CNGB1: variants seen among roughly 807,000 people sequenced by gnomAD.
CNGB1 encodes cyclic nucleotide gated channel subunit beta 1.
A neutral mutation model predicts 151.7 loss-of-function variants in CNGB1; 126 were observed. The observed-to-expected ratio is 0.83, with a 90% CI of 0.72 to 0.96. The LOEUF (loss-of-function observed/expected upper bound fraction) is 0.96. CNGB1 is among the 40% of genes least tolerant of loss of function. The pLI is 0.00. For synonymous variants in CNGB1, 623 were observed against 635.1 expected (o/e 0.98, Z 0.29); for missense variants, 1,698 against 1,627.0 (o/e 1.04, Z -0.75).
chr16:57,901,473 A>C lies in CNGB1; in HGVS notation c.2893-38T>G, dbSNP rs542631260. ...GGAAGGGAAAGGAACTTTTTAGAGA[A>C]GATTGGGCTTGGAGCCTCCCACAGC... On this transcript the variant is annotated intron_variant, in intron 28 of 32. Coordinates refer to ENST00000251102, the MANE Select transcript of CNGB1 (RefSeq NM_001297.5). 3 of 1,613,860 alleles carry C rather than the reference A, an allele frequency of 1.9e-6. No individual in the cohort carries two copies. The African/African-American group carries it at 4.0e-5, about 22-fold the overall frequency.
chr16:57,964,667 G>T, intron 2 of CNGB1, 123 bp from the exon 3 acceptor site: 2 of 952,692 alleles, frequency 2.1e-6, no homozygotes, highest in Non-Finnish European at 3.3e-6. Flanking sequence ...TCTTTCCTCA[G>T]GATCATCTCT....
chr16:57,939,564 G>C lies in CNGB1; in HGVS notation c.1238C>G (p.Ala413Gly). Residue 413 changes from alanine to glycine, a missense_variant, in exon 16 of 33, where the codon GCC (alanine) becomes GGC (glycine). Ala to Gly is a moderately conservative substitution (Grantham distance 60). Transcript: ENST00000251102. ...QKLWEEVGEE[A>G]KKEAEEKAKE... Reference sequence around the variant, plus strand: ...GGCCTTCTCTTCAGCCTCCTTCTTGGCCTCCTCCCCAACTTCCTCCCACAG... The same window carrying C: ...GGCCTTCTCTTCAGCCTCCTTCTTGCCCTCCTCCCCAACTTCCTCCCACAG... The C allele has an allele frequency of 6.2e-7, 1 of 1,614,046 alleles. No homozygotes were observed. The highest frequency in any genetic ancestry group is 1.1e-5 in the South Asian group (1 of 91,074).
In CNGB1 at chr16:57,896,778, A is replaced by G. The variant is rs182501831; in HGVS notation, c.3242+619T>C. On this transcript the variant is annotated intron_variant, in intron 31 of 32. Coordinates refer to ENST00000251102, the MANE Select transcript of CNGB1 (RefSeq NM_001297.5). ...TAAATAAATAAAATAACTGGCCTAT[A>G]TGCTTAAAAGAAGTCCAAGTCACTA... Among the ~76,000 whole-genome samples the G allele has an allele frequency of 1.6e-3, 242 of 151,744 alleles. 1 individual carries two copies. Among genetic ancestry groups the G allele is most frequent in the African/African-American group, 5.4e-3 (223 of 41,432 alleles).
At chr16:57,919,570 T>C (rs1353876359) in intron 19 of CNGB1, among the ~76,000 whole-genome samples, 1 of 152,168 alleles carries the variant, frequency 6.6e-6, no homozygotes, top group Non-Finnish European at 1.5e-5. Flanking sequence ...TGCTTGTGTG[T>C]TGTGCTTAGA....
At chr16:57,925,456 A>G (rs1052760632) in intron 17 of CNGB1, among the ~76,000 whole-genome samples, 1 of 152,220 alleles carries the variant, frequency 6.6e-6, no homozygotes, top group Non-Finnish European at 1.5e-5. Context: ...GGCTGTGGGG[A>G]CATGAAAATA....
At chr16:57,915,405 G>C in intron 22 of CNGB1, 70 bp from the exon 23 acceptor site, 2 of 1,199,642 alleles carry the variant, frequency 1.7e-6, no homozygotes, top group Non-Finnish European at 2.5e-6. Flanking sequence ...GGGAGTGAGA[G>C]GCGGAGTCTC....
intron 17 of CNGB1, among the ~76,000 whole-genome samples, chr16:57,925,398 A>G (rs948227214): frequency 2.0e-5 from 3 of 152,232 alleles, no homozygotes; most frequent in African/African-American, 7.2e-5. Flanking sequence ...TGTACCAAAA[A>G]TGGGCATAAC....
At chr16:57,903,271 C>T (rs1960439848) in intron 27 of CNGB1, among the ~76,000 whole-genome samples, 2 of 149,494 alleles carry the variant, frequency 1.3e-5, no homozygotes, top group South Asian at 4.3e-4. Flanking sequence ...GCTGGCTAAT[C>T]ACCTGAGGTC....
chr16:57,910,860 A>T (rs75610225), intron 25 of CNGB1, among the ~76,000 whole-genome samples: 11 of 151,972 alleles, frequency 7.2e-5, no homozygotes, highest in Non-Finnish European at 1.0e-4. Context: ...ACCACCTTGC[A>T]CACATGTCAT....
intron 12 of CNGB1, among the ~76,000 whole-genome samples, chr16:57,951,835 C>T (rs1221394820): frequency 6.6e-6 from 1 of 152,180 alleles, no homozygotes; most frequent in Non-Finnish European, 1.5e-5. Flanking sequence ...TTGCCAGGCA[C>T]AGAGCTCCCC....
chr16:57,933,724 C>CTTT lies in CNGB1; in HGVS notation c.1373-1849_1373-1847dup, dbSNP rs5817126. On this transcript the variant is annotated intron_variant, in intron 16 of 32. Coordinates refer to ENST00000251102, the MANE Select transcript of CNGB1 (RefSeq NM_001297.5). ...TGTTTCTTTTTCTTTCTTTTCTTTT[C>CTTT]TTTTTTTTTTTTTTTTGAGATGGAG... Among the ~76,000 whole-genome samples, 265 of 119,584 alleles carry CTTT rather than the reference C, an allele frequency of 2.2e-3. 3 individuals carry two copies. Among genetic ancestry groups the CTTT allele is most frequent in the Non-Finnish European group, 3.5e-3 (191 of 54,994 alleles). 78.5% of individuals were successfully genotyped at this position (119,584 alleles called of 152,430 possible).
Position 57,883,563 on chromosome 16 carries a change from C to T in CNGB1, c.*601G>A, listed in dbSNP as rs574111364. ...CTGGGACTACAGGTGCACACCATCA[C>T]GCCTGGCTATTGTTTTTTTGTTTGT... On this transcript the variant is annotated 3_prime_UTR_variant, in exon 33 of 33. Coordinates refer to ENST00000251102, the MANE Select transcript of CNGB1 (RefSeq NM_001297.5). 8.2e-5 allele frequency: 14 copies of T among 170,686 alleles called. No individual in the cohort carries two copies. In the South Asian group the frequency reaches 1.5e-3, roughly 18 times the overall value. 10.6% of individuals were successfully genotyped at this position (170,686 alleles called of 1,614,324 possible).
intron 31 of CNGB1, among the ~76,000 whole-genome samples, chr16:57,890,669 C>T (rs762658435): frequency 6.6e-6 from 1 of 152,206 alleles, no homozygotes; most frequent in African/African-American, 2.4e-5. Flanking sequence ...GTGGTCAAGC[C>T]GGAGATCTCA....
intron 25 of CNGB1, among the ~76,000 whole-genome samples, chr16:57,910,534 T>A (rs1296308688): frequency 6.6e-6 from 1 of 152,072 alleles, no homozygotes; most frequent in African/African-American, 2.4e-5. Context: ...CCACCATGCC[T>A]GGCTAATTTT....
At chr16:57,915,552 A>G (rs543164829) in intron 22 of CNGB1, among the ~76,000 whole-genome samples, 142 of 152,308 alleles carry the variant, frequency 9.3e-4, no homozygotes, top group African/African-American at 3.3e-3. Context: ...ATTATCCTCG[A>G]TAGTGGCTGC....
Position 57,883,014 on chromosome 16 carries a change from C to T in CNGB1, c.*1150G>A, listed in dbSNP as rs1959800133. 6.6e-6 allele frequency: 1 copy of T among 152,184 alleles called. No individual in the cohort carries two copies. Among genetic ancestry groups the T allele is most frequent in the Non-Finnish European group, 1.5e-5 (1 of 68,032 alleles). 9.4% of individuals were successfully genotyped at this position (152,184 alleles called of 1,614,324 possible). A position where few individuals can be genotyped will look rare whatever the true frequency, so the allele number is the denominator to read the frequency against. ...GGATGACAGGCAGAGGATGCTCCTA[C>T]CGGGCTGTTCCTCCTGGCAGAGGCA... On this transcript the variant is annotated 3_prime_UTR_variant, in exon 33 of 33. Transcript: ENST00000251102.
At chr16:57,953,514 A>G (rs975433883) in intron 12 of CNGB1, among the ~76,000 whole-genome samples, 1 of 145,684 alleles carries the variant, frequency 6.9e-6, no homozygotes, top group African/African-American at 2.6e-5. Context: ...AAAAAAAAAG[A>G]AAGTCAACAG....
intron 4 of CNGB1, 50 bp from the exon 5 acceptor site, chr16:57,963,114 G>T: frequency 7.7e-7 from 1 of 1,295,670 alleles, no homozygotes; most frequent in Non-Finnish European, 1.1e-6. Flanking sequence ...CTAGCTCAAT[G>T]AGGCCCTCGA....
In CNGB1 at chr16:57,917,212, G is replaced by T. The variant is rs137942370; in HGVS notation, c.2166+56C>A. On this transcript the variant is annotated intron_variant, in intron 21 of 32. Transcript: ENST00000251102. Reference sequence around the variant, plus strand: ...AGCATCAGGGGTCAGTGCCCTGGAGGCTCTGGCTGAGCGGTCTGCCCCCGG... The same window carrying T: ...AGCATCAGGGGTCAGTGCCCTGGAGTCTCTGGCTGAGCGGTCTGCCCCCGG... The T allele has an allele frequency of 5.8e-4, 842 of 1,449,988 alleles. 11 individuals carry two copies. The African/African-American group carries it at 0.01, about 18-fold the overall frequency. The allele number at this position is 1,449,988 out of a possible 1,614,324, so 89.8% of individuals were successfully genotyped here.
Sources: gnomAD v4.1 joint callset for allele counts (sites outside exome capture counted in the v4.1 genomes callset) on GRCh38, gnomAD v4.1.1 for gene constraint, MANE v1.5 for transcripts, NCBI Gene and HGNC (gene_info 2026-07-23, HGNC 2026-07-21) for gene names.